Variants in OR9Q1 observed in about 807,000 individuals in gnomAD.
The protein encoded by OR9Q1 is olfactory receptor family 9 subfamily Q member 1.
For synonymous variants in OR9Q1, 153 were observed against 148.6 expected (o/e 1.03, Z -0.22); for missense variants, 374 against 378.8 (o/e 0.99, Z 0.11).
At chr11:58,157,466 T>C (rs939538954) in intron 2 of OR9Q1, among the ~76,000 whole-genome samples, 6 of 152,188 alleles carry the variant, frequency 3.9e-5, no homozygotes, top group Non-Finnish European at 8.8e-5. Flanking sequence ...GAGCTGTGTC[T>C]CTTTTGCTCA....
At chr11:58,105,481 T>C (rs1003635866) in intron 2 of OR9Q1, among the ~76,000 whole-genome samples, 2 of 152,174 alleles carry the variant, frequency 1.3e-5, no homozygotes, top group East Asian at 3.8e-4. Context: ...TTTTGTCCCT[T>C]TTCCTTTTTT....
chr11:58,053,612 A>AATATATATATATAAAATAT (rs1565062045), intron 1 of OR9Q1, among the ~76,000 whole-genome samples: 3 of 94,778 alleles, frequency 3.2e-5, no homozygotes, highest in Admixed American at 1.2e-4. Flanking sequence ...AAAATTAAAA[A>AATATATATATATAAAATAT]ATATATATAT....
chr11:58,148,288 A>G (rs2119888101), intron 2 of OR9Q1, among the ~76,000 whole-genome samples: 1 of 152,190 alleles, frequency 6.6e-6, no homozygotes, highest in Non-Finnish European at 1.5e-5. Context: ...CACGTAATCT[A>G]GGGCCTTTGG....
At chr11:58,154,603 T>A (rs1040411007) in intron 2 of OR9Q1, among the ~76,000 whole-genome samples, 3 of 152,158 alleles carry the variant, frequency 2.0e-5, no homozygotes, top group African/African-American at 7.2e-5. Flanking sequence ...GAAGAGAAGA[T>A]CTGAAACATT....
chr11:58,031,991 A>G, intron 1 of OR9Q1: 1 of 728,200 alleles, frequency 1.4e-6, no homozygotes, highest in Non-Finnish European at 2.3e-6. Context: ...CCAAATCAAG[A>G]ATGCAGTTCC....
chr11:58,102,376 C>G (rs888667550), intron 2 of OR9Q1, among the ~76,000 whole-genome samples: 1 of 151,938 alleles, frequency 6.6e-6, no homozygotes, highest in South Asian at 2.1e-4. Flanking sequence ...TTTATACTTT[C>G]ATGTGTTTTC....
chr11:58,100,892 T>C (rs2120085401), intron 2 of OR9Q1, among the ~76,000 whole-genome samples: 1 of 152,214 alleles, frequency 6.6e-6, no homozygotes, highest in East Asian at 1.9e-4. Context: ...GAGAACGTTG[T>C]GTCAAGTGAA....
At chr11:58,103,295 A>G (rs1853807990) in intron 2 of OR9Q1, among the ~76,000 whole-genome samples, 1 of 152,168 alleles carries the variant, frequency 6.6e-6, no homozygotes, top group Admixed American at 6.5e-5. Flanking sequence ...TGAGAATAGT[A>G]TGGAGGTAAC....
intron 2 of OR9Q1, among the ~76,000 whole-genome samples, chr11:58,060,934 A>G (rs1331283559): frequency 2.0e-5 from 3 of 152,162 alleles, no homozygotes; most frequent in Non-Finnish European, 4.4e-5. Flanking sequence ...GGTTCATGCC[A>G]GCCCTGGGAT....
intron 2 of OR9Q1, among the ~76,000 whole-genome samples, chr11:58,105,850 T>C (rs772569942): frequency 6.6e-6 from 1 of 152,154 alleles, no homozygotes; most frequent in Non-Finnish European, 1.5e-5. Flanking sequence ...ATACCACATT[T>C]GGTTTACCCA....
At chr11:58,129,679 C>T (rs1176644059) in intron 2 of OR9Q1, among the ~76,000 whole-genome samples, 4 of 152,102 alleles carry the variant, frequency 2.6e-5, no homozygotes, top group South Asian at 2.1e-4. Context: ...TCTTTTCATG[C>T]AGGTCTCAGT....
chr11:58,025,660 C>T (rs1250995225), intron 1 of OR9Q1, among the ~76,000 whole-genome samples: 2 of 152,308 alleles, frequency 1.3e-5, no homozygotes, highest in East Asian at 3.9e-4. Context: ...ATGATTCCAT[C>T]AGATATTCAT....
At chr11:58,043,174 T>C (rs2514178) in intron 1 of OR9Q1, among the ~76,000 whole-genome samples, 141,377 of 152,188 alleles carry the variant, frequency 0.93, 65,881 homozygotes, top group South Asian at 0.97. Flanking sequence ...TCCTAGTGTC[T>C]AAGTTCAAGG....
chr11:58,109,180 G>C (rs750980456), intron 2 of OR9Q1: 1 of 486,508 alleles, frequency 2.1e-6, no homozygotes, highest in Admixed American at 2.3e-5. Flanking sequence ...GAAGGTGCAC[G>C]TGGTATGCAG....
chr11:58,087,830 C>T (rs897447339), intron 2 of OR9Q1, among the ~76,000 whole-genome samples: 1 of 151,296 alleles, frequency 6.6e-6, no homozygotes, highest in African/African-American at 2.4e-5. Context: ...GTTTTCTGTT[C>T]CTGTGTTTGC....
At chr11:58,148,105 G>A (rs1420550012) in intron 2 of OR9Q1, among the ~76,000 whole-genome samples, 2 of 152,096 alleles carry the variant, frequency 1.3e-5, no homozygotes, top group Non-Finnish European at 2.9e-5. Context: ...AATTCACCAA[G>A]AGGCCAAAGT....
Position 58,180,456 on chromosome 11 carries a change from G to T in OR9Q1, c.*79G>T, listed in dbSNP as rs1854653912. ...TCTGGACGCTCATTATTTATAGCAT[G>T]CTCAATGTTTAAATGAATATATTAT... On this transcript the variant is annotated 3_prime_UTR_variant, in exon 3 of 3. Transcript: ENST00000335397. 1 of 854,332 alleles carries T rather than the reference G, an allele frequency of 1.2e-6. No individual in the cohort carries two copies. The highest frequency in any genetic ancestry group is 2.5e-5 in the East Asian group (1 of 39,704). The allele number at this position is 854,332 out of a possible 1,614,324, so 52.9% of individuals were successfully genotyped here.
chr11:58,067,407 T>G (rs2120010481), intron 2 of OR9Q1, among the ~76,000 whole-genome samples: 1 of 152,342 alleles, frequency 6.6e-6, no homozygotes, highest in Middle Eastern at 3.4e-3. Flanking sequence ...AATCACCTTC[T>G]CTTTTTGGGC....
intron 2 of OR9Q1, among the ~76,000 whole-genome samples, chr11:58,178,634 A>G (rs1338995294): frequency 2.0e-5 from 3 of 152,098 alleles, no homozygotes; most frequent in African/African-American, 7.2e-5. Context: ...GCAAGAGACC[A>G]TGTGTCAACA....
Sources: allele counts gnomAD v4.1 joint callset (sites outside exome capture counted in the v4.1 genomes callset), GRCh38; gene constraint gnomAD v4.1.1; transcripts MANE v1.5; gene names NCBI Gene and HGNC (gene_info 2026-07-23, HGNC 2026-07-21).